Variants in ORMDL1 observed in about 807,000 individuals in gnomAD.
ORMDL1 encodes ORMDL sphingolipid biosynthesis regulator 1.
ORMDL1 carries 10 observed loss-of-function variants against 13.0 expected under a neutral mutation model. The observed-to-expected ratio is 0.77, with a 90% CI of 0.47 to 1.30. The LOEUF is 1.30. ORMDL1 is among the 50% of genes most tolerant of loss of function. ORMDL1 has a pLI of 0.00. For synonymous variants in ORMDL1, 61 were observed against 63.9 expected, an observed-to-expected ratio of 0.95 and a Z score of 0.22; for missense variants, 171 against 186.7, an observed-to-expected ratio of 0.92 and a Z score of 0.49.
chr2:189,765,484 G>A (rs956727699), downstream of ORMDL1: 1 of 152,176 alleles, frequency 6.6e-6, no homozygotes, highest in Non-Finnish European at 1.5e-5. Context: ...ATCAGGTCTG[G>A]AAGTGACTGG....
intron 3 of ORMDL1, among the ~76,000 whole-genome samples, chr2:189,777,400 C>T (rs544411088): frequency 6.6e-5 from 10 of 151,918 alleles, no homozygotes; most frequent in African/African-American, 9.7e-5. Flanking sequence ...TATAGGACCC[C>T]CAAAAAGTTA....
chr2:189,767,007 G>A (rs1264245288), downstream of ORMDL1, among the ~76,000 whole-genome samples: 1 of 152,154 alleles, frequency 6.6e-6, no homozygotes. Flanking sequence ...TTCATCCCTT[G>A]ATGGACACTT....
intron 4 of ORMDL1, 113 bp downstream of exon 4, chr2:189,775,449 GCTA>G (rs1457005597): frequency 8.1e-6 from 9 of 1,116,420 alleles, no homozygotes; most frequent in Middle Eastern, 2.9e-4. Context: ...TATCCGAGGT[GCTA>G]CTTATTGATA....
chr2:189,773,849 TTAAG>T (rs1193203333), intron 4 of ORMDL1: 1 of 152,280 alleles, frequency 6.6e-6, no homozygotes, highest in East Asian at 1.9e-4. Flanking sequence ...ATTTCTTCAG[TTAAG>T]TAAGCAATTT....
chr2:189,782,326 C>T, intron 3 of ORMDL1, 96 bp downstream of exon 3: 1 of 1,130,626 alleles, frequency 8.8e-7, no homozygotes, highest in South Asian at 1.6e-5. Context: ...ACTCTGTACC[C>T]ATTAAGCAAT....
At chr2:189,774,992 T>C (rs994300344) in intron 4 of ORMDL1, 2 of 152,220 alleles carry the variant, frequency 1.3e-5, no homozygotes, top group African/African-American at 4.8e-5. Flanking sequence ...GGTAGATTAT[T>C]ATCTCATTTA....
chr2:189,766,514 A>C (rs896748200), downstream of ORMDL1, among the ~76,000 whole-genome samples: 4 of 152,076 alleles, frequency 2.6e-5, no homozygotes, highest in Non-Finnish European at 5.9e-5. Flanking sequence ...GATTACCTGG[A>C]GTCAGGAGTT....
At chr2:189,778,171 G>A (rs1201705300) in intron 3 of ORMDL1, 2 of 436,284 alleles carry the variant, frequency 4.6e-6, no homozygotes, top group East Asian at 1.4e-4. Flanking sequence ...GAGGCGGGCA[G>A]ATCACCTGAG....
intron 4 of ORMDL1, among the ~76,000 whole-genome samples, chr2:189,772,455 A>C (rs2047600036): frequency 1.3e-5 from 2 of 152,224 alleles, no homozygotes; most frequent in African/African-American, 4.8e-5. Flanking sequence ...CGGTAACCTG[A>C]AAGACACTGT....
chr2:189,781,405 G>A (rs1373095183), intron 3 of ORMDL1, among the ~76,000 whole-genome samples: 2 of 151,834 alleles, frequency 1.3e-5, no homozygotes, highest in Admixed American at 6.6e-5. Context: ...AAGAAAAGTC[G>A]CTGTCAAGAT....
At chr2:189,768,832 T>C (rs1299389301), downstream of ORMDL1, among the ~76,000 whole-genome samples, 3 of 152,178 alleles carry the variant, frequency 2.0e-5, no homozygotes, top group Non-Finnish European at 4.4e-5. Flanking sequence ...ATTACCAGGA[T>C]AGTGGGAGAA....
At chr2:189,779,494 G>A (rs2047774794) in intron 3 of ORMDL1, among the ~76,000 whole-genome samples, 1 of 152,156 alleles carries the variant, frequency 6.6e-6, no homozygotes, top group East Asian at 1.9e-4. Flanking sequence ...ATGAGAGCAA[G>A]ATGATTTTCT....
chr2:189,773,948 C>CT (rs1353857485), intron 4 of ORMDL1: 1 of 152,048 alleles, frequency 6.6e-6, no homozygotes, highest in East Asian at 1.9e-4. Flanking sequence ...TCTCAGTTGG[C>CT]TTTTTGTGTG....
At chr2:189,773,881 T>A (rs1037730268) in intron 4 of ORMDL1, 4 of 152,216 alleles carry the variant, frequency 2.6e-5, no homozygotes, top group Admixed American at 6.5e-5. Flanking sequence ...ATATTTGAAA[T>A]CATACCTGTT....
In ORMDL1 at chr2:189,770,931, A is replaced by G. The variant is rs2047564527; in HGVS notation, c.*836T>C. 1 of 152,244 alleles carries G rather than the reference A, an allele frequency of 6.6e-6. No individual in the cohort carries two copies. The highest frequency in any genetic ancestry group is 2.4e-5 in the African/African-American group (1 of 41,468). The allele number at this position is 152,244 out of a possible 1,614,324, so 9.4% of individuals were successfully genotyped here. The stretch of plus-strand genomic sequence containing the variant: ...TATATTTCCTTTTTCAAATGATGAC[A>G]AACTTTCCCAATTAAATTGTTCAAC... On this transcript the variant is annotated 3_prime_UTR_variant, in exon 5 of 5. Coordinates refer to ENST00000392349, the MANE Select transcript of ORMDL1 (RefSeq NM_016467.5).
chr2:189,764,042 G>A, the ORMDL1 span: 1 of 152,196 alleles, frequency 6.6e-6, no homozygotes, highest in African/African-American at 2.4e-5. Flanking sequence ...GTGCTTTGGA[G>A]GTCACACAAC....
chr2:189,769,777 T>G (rs1322925305), downstream of ORMDL1, among the ~76,000 whole-genome samples: 1 of 152,124 alleles, frequency 6.6e-6, no homozygotes, highest in East Asian at 1.9e-4. Context: ...AATTATAGAA[T>G]AAGGGAAACA....
At chr2:189,778,628 C>T (rs947246161) in intron 3 of ORMDL1, among the ~76,000 whole-genome samples, 4 of 151,950 alleles carry the variant, frequency 2.6e-5, no homozygotes, top group African/African-American at 9.7e-5. Context: ...GGCATGGTAG[C>T]TCACACCTGT....
At chr2:189,781,770 G>A (rs1462621440) in intron 3 of ORMDL1, among the ~76,000 whole-genome samples, 1 of 151,922 alleles carries the variant, frequency 6.6e-6, no homozygotes, top group Non-Finnish European at 1.5e-5. Context: ...TCAAAATTAA[G>A]TCTTATATAC....
Sources: allele counts gnomAD v4.1 joint callset (sites outside exome capture counted in the v4.1 genomes callset), GRCh38; gene constraint gnomAD v4.1.1; transcripts MANE v1.5; gene names NCBI Gene and HGNC (gene_info 2026-07-23, HGNC 2026-07-21).